DENND11: variants seen among roughly 807,000 people sequenced by gnomAD.
The protein encoded by DENND11 is DENN domain-containing protein 11.
In DENND11, 34 loss-of-function variants were observed where a neutral mutation model predicts 49.2. The observed-to-expected ratio is 0.69, with a 90% confidence interval of 0.53 to 0.92. The LOEUF (loss-of-function observed/expected upper bound fraction) is 0.92. Ranked by LOEUF, DENND11 falls within the 40% of genes least tolerant of loss-of-function variation. DENND11 has a pLI of 0.00. For missense variants in DENND11, 475 were observed against 581.6 expected, an observed-to-expected ratio of 0.82 and a Z score of 1.88; for synonymous variants, 238 against 230.3, an observed-to-expected ratio of 1.03 and a Z score of -0.30.
intron 8 of DENND11, 129 bp downstream of exon 8, chr7:141,664,043 G>T: frequency 1.4e-6 from 1 of 735,552 alleles, no homozygotes; most frequent in Non-Finnish European, 2.2e-6. Flanking sequence ...TAAGGAGCCC[G>T]GCTCTAAGTG....
chr7:141,667,229 C>T lies in DENND11; in HGVS notation c.682-804G>A, dbSNP rs1249829357. 4.6e-5 allele frequency among the ~76,000 whole-genome samples: 7 copies of T among 152,226 alleles called. No individual in the cohort carries two copies. The East Asian group carries it at 1.2e-3, about 25-fold the overall frequency. On this transcript the variant is annotated intron_variant, in intron 4 of 8. Coordinates refer to ENST00000536163, the MANE Select transcript of DENND11 (RefSeq NM_001080392.2). ...AGCCACCACGACTGGCCCCACTCTT[C>T]CTTCTGTCACTAACTGGCAACCCCT...
chr7:141,672,116 C>T (rs1421920559), intron 4 of DENND11, among the ~76,000 whole-genome samples: 3 of 152,218 alleles, frequency 2.0e-5, no homozygotes, highest in African/African-American at 4.8e-5. Context: ...AGCACAGATG[C>T]GCAGTGCCTC....
chr7:141,688,862 A>G (rs1451874175), intron 1 of DENND11, among the ~76,000 whole-genome samples: 1 of 152,172 alleles, frequency 6.6e-6, no homozygotes, highest in Non-Finnish European at 1.5e-5. Context: ...GGGCCTCTGT[A>G]TACACGCTCC....
chr7:141,663,569 A>T (rs182878977), intron 8 of DENND11: 2 of 152,298 alleles, frequency 1.3e-5, no homozygotes, highest in African/African-American at 4.8e-5. Flanking sequence ...CCACTATTAG[A>T]ATCAAGGTGC....
intron 3 of DENND11, among the ~76,000 whole-genome samples, chr7:141,679,764 A>G (rs1798121109): frequency 6.6e-6 from 1 of 152,136 alleles, no homozygotes; most frequent in African/African-American, 2.4e-5. Context: ...AACAAAATGT[A>G]GCAAAGGCTA....
In DENND11 at chr7:141,657,215, T is replaced by C. The variant is rs982473375; in HGVS notation, c.*5441A>G. The stretch of plus-strand genomic sequence containing the variant: ...GTTTAGGCTTATTTTCCCGGACCTA[T>C]ACAAAAATTCAGTCAACAAGTTTTG... On this transcript the variant is annotated 3_prime_UTR_variant, in exon 9 of 9. Transcript: ENST00000536163. 1 of 152,572 alleles carries C rather than the reference T, an allele frequency of 6.6e-6. No homozygotes were observed. Among genetic ancestry groups the C allele is most frequent in the African/African-American group, 2.4e-5 (1 of 41,454 alleles). 9.5% of individuals were successfully genotyped at this position (152,572 alleles called of 1,614,324 possible).
intron 7 of DENND11, among the ~76,000 whole-genome samples, chr7:141,664,684 C>T (rs962093557): frequency 6.6e-6 from 1 of 152,164 alleles, no homozygotes; most frequent in Admixed American, 6.5e-5. Flanking sequence ...AGAAATAAAC[C>T]AGCACCGTGG....
chr7:141,682,055 G>T (rs1798155108), intron 3 of DENND11, among the ~76,000 whole-genome samples: 1 of 152,158 alleles, frequency 6.6e-6, no homozygotes, highest in Admixed American at 6.5e-5. Context: ...AGCTTGTATT[G>T]TGGTTCCTAC....
chr7:141,701,171 G>C (rs1472860175), intron 1 of DENND11, among the ~76,000 whole-genome samples: 1 of 152,052 alleles, frequency 6.6e-6, no homozygotes, highest in African/African-American at 2.4e-5. Context: ...TGTGGGATAA[G>C]ACTTTAATTC....
intron 4 of DENND11, among the ~76,000 whole-genome samples, chr7:141,667,206 C>T (rs931665093): frequency 2.0e-5 from 3 of 152,144 alleles, no homozygotes; most frequent in African/African-American, 7.2e-5. Flanking sequence ...CAGGCGTGAG[C>T]CACCACGACT....
At chr7:141,686,972 C>T (rs1192466264) in intron 1 of DENND11, among the ~76,000 whole-genome samples, 2 of 152,180 alleles carry the variant, frequency 1.3e-5, no homozygotes, top group African/African-American at 4.8e-5. Context: ...CACTTCTCTG[C>T]ATGTTTTTTT....
chr7:141,686,105 G>C (rs564000358), intron 2 of DENND11, among the ~76,000 whole-genome samples: 3 of 152,184 alleles, frequency 2.0e-5, no homozygotes, highest in Non-Finnish European at 4.4e-5. Flanking sequence ...CCCATGAGGA[G>C]ATTAAAGCCA....
At chr7:141,673,658 T>C (rs940551629) in intron 4 of DENND11, among the ~76,000 whole-genome samples, 2 of 152,240 alleles carry the variant, frequency 1.3e-5, no homozygotes, top group Non-Finnish European at 2.9e-5. Context: ...AGGCATATTC[T>C]AGTACCAAAG....
rs1797714316 is a variant in DENND11 at position 141,657,408 on chromosome 7, G to C, written c.*5248C>G. The C allele has an allele frequency of 6.6e-6, 1 of 152,048 alleles. No individual in the cohort carries two copies. The highest frequency in any genetic ancestry group is 1.5e-5 in the Non-Finnish European group (1 of 68,010). 9.4% of individuals were successfully genotyped at this position (152,048 alleles called of 1,614,324 possible). On this transcript the variant is annotated 3_prime_UTR_variant, in exon 9 of 9. Transcript: ENST00000536163. Reference sequence around the variant, plus strand: ...TATAACACCATCTTAAAATTTTTTAGTATACTTTATCTTTCTTTAGTTTAC... The same window carrying C: ...TATAACACCATCTTAAAATTTTTTACTATACTTTATCTTTCTTTAGTTTAC...
chr7:141,675,895 C>T (rs1023008585), intron 3 of DENND11, among the ~76,000 whole-genome samples: 12 of 152,194 alleles, frequency 7.9e-5, no homozygotes, highest in African/African-American at 2.2e-4. Context: ...GGAGGTAGTC[C>T]TACTATAACA....
At chr7:141,678,090 T>C (rs1218429243) in intron 3 of DENND11, among the ~76,000 whole-genome samples, 2 of 151,906 alleles carry the variant, frequency 1.3e-5, no homozygotes. Context: ...GCTTCCCGAG[T>C]AGCTGGGACT....
At chr7:141,673,880 ATTGT>A (rs758728387) in intron 4 of DENND11, among the ~76,000 whole-genome samples, 183 bp downstream of exon 4, 18 of 152,210 alleles carry the variant, frequency 1.2e-4, no homozygotes, top group Admixed American at 9.2e-4. Context: ...TAGAAAGCAT[ATTGT>A]TTAAGATAAC....
chr7:141,674,342 C>T (rs1050275481), intron 3 of DENND11, 122 bp from the exon 4 acceptor site: 8 of 1,388,720 alleles, frequency 5.8e-6, no homozygotes, highest in Non-Finnish European at 6.5e-6. Flanking sequence ...GGGGCAAAGG[C>T]CCTGACATAC....
At position 141,656,840 on chromosome 7, in the gene DENND11, T is replaced by A. The variant is rs183234755; in HGVS notation, c.*5816A>T. On this transcript the variant is annotated 3_prime_UTR_variant, in exon 9 of 9. Coordinates refer to ENST00000536163, the MANE Select transcript of DENND11 (RefSeq NM_001080392.2). ...TATATACAGATATGATATTCATAGA[T>A]GTTATTTGTACCACAGAACAAAATC... is the stretch of plus-strand genomic sequence containing the variant. 1 of 152,972 alleles carries A rather than the reference T, an allele frequency of 6.5e-6. No individual in the cohort carries two copies. The highest frequency in any genetic ancestry group is 1.5e-5 in the Non-Finnish European group (1 of 68,110). 9.5% of individuals were successfully genotyped at this position (152,972 alleles called of 1,614,324 possible). A position where few individuals can be genotyped will look rare whatever the true frequency, so the allele number is the denominator to read the frequency against.
Sources: gnomAD v4.1 joint callset for allele counts (sites outside exome capture counted in the v4.1 genomes callset) on GRCh38, gnomAD v4.1.1 for gene constraint, MANE v1.5 for transcripts, NCBI Gene and HGNC (gene_info 2026-07-23, HGNC 2026-07-21) for gene names.